The following SLC35F3 variants were observed in gnomAD, a reference collection of about 807,000 sequenced individuals.
SLC35F3 encodes solute carrier family 35 member F3.
A neutral mutation model predicts 49.9 loss-of-function variants in SLC35F3; 25 were observed. The observed-to-expected ratio is 0.50, with a 90% CI of 0.37 to 0.70. The LOEUF (loss-of-function observed/expected upper bound fraction) is 0.70, where lower values mean the gene tolerates loss of function less well. SLC35F3 is among the 30% of genes least tolerant of loss of function. The probability of loss-of-function intolerance (pLI) is 0.00; values close to 1 mark genes in which losing one functional copy is unlikely to be tolerated. For synonymous variants in SLC35F3, 275 were observed against 265.4 expected, an observed-to-expected ratio of 1.04 and a Z score of -0.35; for missense variants, 525 against 639.8, an observed-to-expected ratio of 0.82 and a Z score of 1.94.
At position 233,985,029 on chromosome 1, in the gene SLC35F3, A is replaced by G. The variant is rs981796828; in HGVS notation, c.283+79271A>G. On this transcript the variant is annotated intron_variant, in intron 2 of 7. Transcript: ENST00000366618. Reference sequence around the variant, plus strand: ...ATGCAGGGGTTGGGGGGGTGCCCCTAAGAGGGGTCCCTGCTCCATCTCCAA... The same window carrying G: ...ATGCAGGGGTTGGGGGGGTGCCCCTGAGAGGGGTCCCTGCTCCATCTCCAA... Among the ~76,000 whole-genome samples the G allele has an allele frequency of 3.9e-5, 6 of 152,268 alleles. No individual in the cohort carries two copies. In the East Asian group the frequency reaches 5.8e-4, roughly 15 times the overall value.
intron 2 of SLC35F3, among the ~76,000 whole-genome samples, chr1:234,140,664 CAG>C (rs141557699): frequency 0.064 from 9,755 of 152,208 alleles, 511 homozygotes; most frequent in African/African-American, 0.13. Context: ...GACGAACACT[CAG>C]GGGGATGCTC....
At chr1:234,004,358 A>C (rs1377822813) in intron 2 of SLC35F3, among the ~76,000 whole-genome samples, 1 of 152,178 alleles carries the variant, frequency 6.6e-6, no homozygotes, top group African/African-American at 2.4e-5. Flanking sequence ...AATATTTCTC[A>C]GTTAAAAGGC....
intron 4 of SLC35F3, among the ~76,000 whole-genome samples, chr1:234,311,294 C>G (rs1461309341): frequency 1.3e-5 from 2 of 152,192 alleles, no homozygotes; most frequent in Non-Finnish European, 2.9e-5. Flanking sequence ...GAGAGATTCT[C>G]CTTGATAAAC....
At chr1:234,129,684 T>C (rs963547050) in intron 2 of SLC35F3, among the ~76,000 whole-genome samples, 2 of 152,186 alleles carry the variant, frequency 1.3e-5, no homozygotes, top group Non-Finnish European at 2.9e-5. Context: ...AAATTTACGC[T>C]AATTAGGACA....
chr1:234,179,274 A>G (rs1055581651), intron 2 of SLC35F3, among the ~76,000 whole-genome samples: 3 of 152,206 alleles, frequency 2.0e-5, no homozygotes, highest in Non-Finnish European at 4.4e-5. Context: ...AAGCTAATAG[A>G]TGAAGCTAAT....
chr1:234,298,989 T>C (rs1301602793), intron 3 of SLC35F3, among the ~76,000 whole-genome samples: 1 of 152,160 alleles, frequency 6.6e-6, no homozygotes, highest in Non-Finnish European at 1.5e-5. Context: ...GTTCACATTG[T>C]GTGTCATAGA....
At position 234,027,882 on chromosome 1, in the gene SLC35F3, G is replaced by T. The variant is rs1324525032; in HGVS notation, c.283+122124G>T. Reference sequence around the variant, plus strand: ...GATAAAGGAATAAGCCCGTGTAAAAGCGAGGTAATTTCAGCTGGTGATAGC... The same window carrying T: ...GATAAAGGAATAAGCCCGTGTAAAATCGAGGTAATTTCAGCTGGTGATAGC... On this transcript the variant is annotated intron_variant, in intron 2 of 7. Coordinates refer to ENST00000366618, the MANE Select transcript of SLC35F3 (RefSeq NM_173508.4). This position sits in a 1 kb window ranked among gnomAD's most constrained non-coding sequence, Gnocchi z 4.1. Among the ~76,000 whole-genome samples the T allele has an allele frequency of 6.6e-6, 1 of 152,278 alleles. No individual in the cohort carries two copies. Among genetic ancestry groups the T allele is most frequent in the Non-Finnish European group, 1.5e-5 (1 of 68,016 alleles).
intron 2 of SLC35F3, among the ~76,000 whole-genome samples, chr1:233,983,626 G>A (rs75062457): frequency 0.08 from 12,130 of 152,200 alleles, 550 homozygotes; most frequent in African/African-American, 0.094. Context: ...GTTTAAGGTT[G>A]CAGATTTCCT....
At chr1:234,037,681 TC>T (rs1457525477) in intron 2 of SLC35F3, among the ~76,000 whole-genome samples, 2 of 152,226 alleles carry the variant, frequency 1.3e-5, no homozygotes, top group Non-Finnish European at 2.9e-5. Flanking sequence ...AGAAGGATGC[TC>T]AGGGAATTCC....
At chr1:233,905,230 G>A (rs980801439) in intron 1 of SLC35F3, 100 bp downstream of exon 1, 25 of 1,294,518 alleles carry the variant, frequency 1.9e-5, no homozygotes, top group Non-Finnish European at 2.7e-5. Flanking sequence ...TCTGAGGCTC[G>A]GGGAAGGGCG....
chr1:234,227,886 T>C (rs1483465285), intron 2 of SLC35F3, among the ~76,000 whole-genome samples: 2 of 152,220 alleles, frequency 1.3e-5, no homozygotes, highest in African/African-American at 4.8e-5. Context: ...TGAGCATCAA[T>C]TGGCCAGTTC....
intron 2 of SLC35F3, among the ~76,000 whole-genome samples, chr1:234,061,434 C>T (rs1442878626): frequency 1.3e-5 from 2 of 152,010 alleles, no homozygotes; most frequent in Non-Finnish European, 2.9e-5. Context: ...GTGTCTGTGA[C>T]TCTCTTTTTG....
At chr1:233,964,911 C>T (rs1662877415) in intron 2 of SLC35F3, among the ~76,000 whole-genome samples, 1 of 152,228 alleles carries the variant, frequency 6.6e-6, no homozygotes, top group African/African-American at 2.4e-5. Flanking sequence ...CTAGTGCACA[C>T]TAACCTCTTG....
At chr1:233,921,064 AT>A (rs1156407802) in intron 2 of SLC35F3, among the ~76,000 whole-genome samples, 1 of 152,248 alleles carries the variant, frequency 6.6e-6, no homozygotes, top group Non-Finnish European at 1.5e-5. Context: ...GTTTGTGATA[AT>A]TTGCTACATA....
intron 2 of SLC35F3, among the ~76,000 whole-genome samples, chr1:233,927,085 A>G (rs1157366984): frequency 1.3e-5 from 2 of 152,180 alleles, no homozygotes; most frequent in Non-Finnish European, 1.5e-5. Flanking sequence ...TCTTAGCTTG[A>G]TAGCTCATTT....
At chr1:234,227,200 A>G (rs1333183257) in intron 2 of SLC35F3, among the ~76,000 whole-genome samples, 1 of 152,162 alleles carries the variant, frequency 6.6e-6, no homozygotes, top group Admixed American at 6.5e-5. Flanking sequence ...GCTAAAGTAC[A>G]AGATTAGAAT....
chr1:234,311,789 G>A (rs999088795), intron 4 of SLC35F3, among the ~76,000 whole-genome samples: 2 of 152,200 alleles, frequency 1.3e-5, no homozygotes, highest in Non-Finnish European at 2.9e-5. Flanking sequence ...GGTTCTCCAG[G>A]TCAGGGTTCT....
chr1:234,110,753 A>G (rs1007792022), intron 2 of SLC35F3, among the ~76,000 whole-genome samples: 1 of 152,252 alleles, frequency 6.6e-6, no homozygotes, highest in Non-Finnish European at 1.5e-5. Flanking sequence ...TTTTAGCCAG[A>G]TAGATCTTAT....
At chr1:234,234,186 T>C (rs943522428) in intron 3 of SLC35F3, among the ~76,000 whole-genome samples, 3 of 152,202 alleles carry the variant, frequency 2.0e-5, no homozygotes, top group Admixed American at 1.3e-4. Context: ...TCTGAGGAGA[T>C]GAGTCTCTTG....
Sources: gnomAD v4.1 joint callset for allele counts (sites outside exome capture counted in the v4.1 genomes callset) on GRCh38, gnomAD v4.1.1 for gene constraint, Gnocchi (gnomAD v3.1) non-coding constraint, MANE v1.5 for transcripts, NCBI Gene and HGNC (gene_info 2026-07-23, HGNC 2026-07-21) for gene names.